FRMPD1: variants seen among roughly 807,000 people sequenced by gnomAD.
The protein encoded by FRMPD1 is FERM and PDZ domain containing 1.
In FRMPD1, 76 loss-of-function variants were observed where a neutral mutation model predicts 117.8. That is an observed-to-expected ratio of 0.65 (90% CI 0.54 to 0.78). FRMPD1 has a LOEUF of 0.78. Among genes scored for constraint, FRMPD1 ranks in the 30% least tolerant of loss-of-function variants. The pLI, the probability that FRMPD1 is intolerant of heterozygous loss-of-function variation, is 0.00. For synonymous variants in FRMPD1, 783 were observed against 770.4 expected, an observed-to-expected ratio of 1.02 and a Z score of -0.27; for missense variants, 1,786 against 1,964.5, an observed-to-expected ratio of 0.91 and a Z score of 1.72.
chr9:37,637,428 G>C, the FRMPD1 span: 1 of 634,094 alleles, frequency 1.6e-6, no homozygotes, highest in South Asian at 1.8e-5. Flanking sequence ...ACCCTTTTTA[G>C]TATACAGTTC....
chr9:37,656,513 A>C (rs1026693130), intron 1 of FRMPD1, among the ~76,000 whole-genome samples: 3 of 152,234 alleles, frequency 2.0e-5, no homozygotes, highest in African/African-American at 7.2e-5. Flanking sequence ...AAATATACCT[A>C]TGCACTTAAC....
intron 15 of FRMPD1, among the ~76,000 whole-genome samples, chr9:37,742,053 A>C (rs770783260): frequency 1.3e-5 from 2 of 152,218 alleles, no homozygotes; most frequent in Non-Finnish European, 2.9e-5. Flanking sequence ...GTTTCTCTCC[A>C]TCACTAGACC....
intron 1 of FRMPD1, among the ~76,000 whole-genome samples, chr9:37,663,053 A>G (rs1821047810): frequency 6.6e-6 from 1 of 152,168 alleles, no homozygotes; most frequent in African/African-American, 2.4e-5. Flanking sequence ...TAGTCTGCCC[A>G]ATTTAATTTG....
chr9:37,719,182 T>C lies in FRMPD1; in HGVS notation c.516+6T>C. ...TCATCAGTGGACACAGCCAGGTGTG[T>C]CACTAGTCAAGGGATTGAAATTATG... On this transcript the variant is annotated splice_donor_region_variant and intron_variant, in intron 6 of 15. Coordinates refer to ENST00000377765, the MANE Select transcript of FRMPD1 (RefSeq NM_014907.3). 6.4e-7 allele frequency: 1 copy of C among 1,557,120 alleles called. No individual in the cohort carries two copies. The highest frequency in any genetic ancestry group is 8.9e-7 in the Non-Finnish European group (1 of 1,127,942).
At chr9:37,693,729 A>G (rs947807712) in intron 2 of FRMPD1, among the ~76,000 whole-genome samples, 2 of 152,182 alleles carry the variant, frequency 1.3e-5, no homozygotes, top group Admixed American at 6.5e-5. Flanking sequence ...CTTCCTTCAC[A>G]GTATGCTCCA....
At position 37,744,670 on chromosome 9, in the gene FRMPD1, C is replaced by A. The variant is rs1360388844; in HGVS notation, c.2638C>A (p.Pro880Thr). 6.2e-7 allele frequency: 1 copy of A among 1,614,064 alleles called. No homozygotes were observed. The highest frequency in any genetic ancestry group is 8.5e-7 in the Non-Finnish European group (1 of 1,179,988). The change falls in exon 16 of 16, where the codon CCC (proline) becomes ACC (threonine). Residue 880 changes from proline to threonine, a missense_variant. Pro to Thr is a conservative substitution (Grantham distance 38). Coordinates refer to ENST00000377765, the MANE Select transcript of FRMPD1 (RefSeq NM_014907.3). ...GGAGCCCTACCTGGCCCTTGGTGCACCCTCCCCAACTGTGTCCTCTCTGCA... is the reference window on the plus strand; with the variant it reads ...GGAGCCCTACCTGGCCCTTGGTGCAACCTCCCCAACTGTGTCCTCTCTGCA... ...DREPYLALGA[P>T]SPTVSSLQDM...
the FRMPD1 span, among the ~76,000 whole-genome samples, chr9:37,609,232 C>T: frequency 6.6e-6 from 1 of 151,350 alleles, no homozygotes; most frequent in Non-Finnish European, 1.5e-5. Context: ...GCGGAGTTTG[C>T]GGTGAACCCA....
At chr9:37,666,671 G>C (rs950375502) in intron 1 of FRMPD1, among the ~76,000 whole-genome samples, 1 of 152,238 alleles carries the variant, frequency 6.6e-6, no homozygotes, top group Non-Finnish European at 1.5e-5. Context: ...ACTCCCAGGT[G>C]TTCTACTAGC....
the FRMPD1 span, among the ~76,000 whole-genome samples, chr9:37,629,471 GC>G: frequency 6.6e-6 from 1 of 152,164 alleles, no homozygotes; most frequent in African/African-American, 2.4e-5. Flanking sequence ...CTGAGTTGCA[GC>G]CCCCAACCTT....
chr9:37,690,948 T>G (rs10973491), intron 1 of FRMPD1, among the ~76,000 whole-genome samples: 37,010 of 152,026 alleles, frequency 0.24, 4,682 homozygotes, highest in East Asian at 0.41. Context: ...AGTAATGGCA[T>G]TAATTCATTC....
the FRMPD1 span, among the ~76,000 whole-genome samples, chr9:37,636,403 A>G: frequency 6.6e-6 from 1 of 152,148 alleles, no homozygotes; most frequent in Non-Finnish European, 1.5e-5. Context: ...CCTAGTTCCA[A>G]AGAAAGGTGT....
chr9:37,632,224 T>A, the FRMPD1 span, among the ~76,000 whole-genome samples: 3 of 152,256 alleles, frequency 2.0e-5, no homozygotes, highest in Non-Finnish European at 4.4e-5. Context: ...TATACCGTAA[T>A]TTAACAGTAT....
chr9:37,610,606 T>C, the FRMPD1 span, among the ~76,000 whole-genome samples: 1 of 151,666 alleles, frequency 6.6e-6, no homozygotes, highest in African/African-American at 2.4e-5. Context: ...TTTTTTTTTT[T>C]TTTTTGAGAC....
intron 1 of FRMPD1, among the ~76,000 whole-genome samples, chr9:37,674,292 A>T (rs1431336280): frequency 2.6e-5 from 4 of 152,214 alleles, no homozygotes; most frequent in African/African-American, 7.2e-5. Context: ...CTAAAACATA[A>T]CAAGAGTCAC....
chr9:37,683,062 C>T lies in FRMPD1; in HGVS notation c.-4-9576C>T, dbSNP rs139345808. Among the ~76,000 whole-genome samples, 572 of 152,314 alleles carry T rather than the reference C, an allele frequency of 3.8e-3. 1 individual carries two copies. The highest frequency in any genetic ancestry group is 5.8e-3 in the Non-Finnish European group (393 of 68,026). ...CCATTTCCCTCCCCCACTGCCTTCG[C>T]AACCACTAATCAATTTTCTATCTCT... is the stretch of plus-strand genomic sequence containing the variant. On this transcript the variant is annotated intron_variant, in intron 1 of 15. Coordinates refer to ENST00000377765, the MANE Select transcript of FRMPD1 (RefSeq NM_014907.3).
At chr9:37,696,650 T>C (rs894511701) in intron 2 of FRMPD1, among the ~76,000 whole-genome samples, 2 of 152,228 alleles carry the variant, frequency 1.3e-5, no homozygotes, top group African/African-American at 4.8e-5. Flanking sequence ...GATTTAGCAT[T>C]TGAATACTAA....
In FRMPD1 at chr9:37,740,310, C is replaced by A. The variant is rs756472976; in HGVS notation, c.1782C>A (p.Asn594Lys). Residue 594 changes from asparagine to lysine, a missense_variant, in exon 15 of 16, where the codon AAC (asparagine) becomes AAA (lysine). Physicochemically the swap from Asn to Lys is moderately conservative, Grantham distance 94. Transcript: ENST00000377765. The surrounding 1 kb of genome is among the most constrained non-coding windows in gnomAD (Gnocchi z 4.2). The part of the protein sequence containing the change: ...SAESEASDSA[N>K]TESRGYRTSG... ...AGTCCGAGGCGTCCGACTCAGCCAA[C>A]ACTGAGAGCCGCGGCTACAGGACCA... The A allele has an allele frequency of 1.2e-6, 2 of 1,613,868 alleles. No homozygotes were observed. The highest frequency in any genetic ancestry group is 2.2e-5 in the South Asian group (2 of 91,080).
the FRMPD1 span, among the ~76,000 whole-genome samples, chr9:37,637,961 A>C: frequency 2.6e-5 from 2 of 76,162 alleles, no homozygotes; most frequent in Admixed American, 1.5e-4. Context: ...AAAATGGTGT[A>C]TGCTTTCTTT....
In FRMPD1 at chr9:37,700,631, AGTT is replaced by A. The variant is rs1822497821; in HGVS notation, c.102-6784_102-6782del. ...GAAGTGCAATCAGTATCCATCTGGT[AGTT>A]TTCCTTTTCAGTGTTATTAACCAGC... On this transcript the variant is annotated intron_variant, in intron 2 of 15. Transcript: ENST00000377765. Among the ~76,000 whole-genome samples, 8 of 152,344 alleles carry A rather than the reference AGTT, an allele frequency of 5.3e-5. No homozygotes were observed. In the South Asian group the frequency reaches 1.0e-3, roughly 20 times the overall value.
Sources: gnomAD v4.1 joint callset for allele counts (sites outside exome capture counted in the v4.1 genomes callset) on GRCh38, gnomAD v4.1.1 for gene constraint, Gnocchi (gnomAD v3.1) non-coding constraint, MANE v1.5 for transcripts, NCBI Gene and HGNC (gene_info 2026-07-23, HGNC 2026-07-21) for gene names.